The following MS4A13 variants were observed in gnomAD, a reference collection of about 807,000 sequenced individuals.
MS4A13 encodes the protein membrane spanning 4-domains A13.
MS4A13 carries 21 observed loss-of-function variants against 18.4 expected under a neutral mutation model. That is an observed-to-expected ratio of 1.14 (90% CI 0.81 to 1.64). MS4A13 has a LOEUF of 1.64. MS4A13 is among the 40% of genes most tolerant of loss of function. The probability of loss-of-function intolerance (pLI) is 0.00; values close to 1 mark genes in which losing one functional copy is unlikely to be tolerated. For synonymous variants in MS4A13, 62 were observed against 57.2 expected, an observed-to-expected ratio of 1.08 and a Z score of -0.38; for missense variants, 173 against 176.8, an observed-to-expected ratio of 0.98 and a Z score of 0.12.
At chr11:60,529,563 T>C (rs2086748803) in intron 6 of MS4A13, 103 bp downstream of exon 6, 1 of 519,152 alleles carries the variant, frequency 1.9e-6, no homozygotes, top group Non-Finnish European at 3.3e-6. Flanking sequence ...TTAGAACTAA[T>C]ATAAATGGAA....
intron 6 of MS4A13, among the ~76,000 whole-genome samples, chr11:60,532,174 A>G (rs565878968): frequency 1.3e-5 from 2 of 152,234 alleles, no homozygotes; most frequent in South Asian, 4.1e-4. Context: ...AGGAGCCAAG[A>G]TGGCCGAATA....
At chr11:60,541,127 T>C (rs1441799853) in intron 6 of MS4A13, among the ~76,000 whole-genome samples, 1 of 152,204 alleles carries the variant, frequency 6.6e-6, no homozygotes, top group Non-Finnish European at 1.5e-5. Flanking sequence ...TGCCAACTGA[T>C]AGCAAAGATT....
At chr11:60,526,603 AC>A (rs1427515541) in intron 5 of MS4A13, among the ~76,000 whole-genome samples, 1 of 152,216 alleles carries the variant, frequency 6.6e-6, no homozygotes, top group Non-Finnish European at 1.5e-5. Context: ...TGTATATTAG[AC>A]TTATATCTCA....
intron 6 of MS4A13, among the ~76,000 whole-genome samples, chr11:60,542,064 C>T (rs1195562231): frequency 6.7e-6 from 1 of 148,868 alleles, no homozygotes; most frequent in African/African-American, 2.5e-5. Flanking sequence ...GCCGAGATCG[C>T]ACCACTGCAC....
chr11:60,522,239 G>GATGTATATATATATATATATATCTATAT (rs71043705), intron 3 of MS4A13, among the ~76,000 whole-genome samples: 6 of 133,886 alleles, frequency 4.5e-5, no homozygotes, highest in South Asian at 2.6e-4. Context: ...TAGATAGATA[G>GATGTATATATATATATATATATCTATAT]ATGTATATAT....
At chr11:60,520,416 G>A (rs918006124) in intron 3 of MS4A13, among the ~76,000 whole-genome samples, 1 of 152,194 alleles carries the variant, frequency 6.6e-6, no homozygotes, top group Non-Finnish European at 1.5e-5. Flanking sequence ...CTATGAGCCT[G>A]TAAAATCAAT....
intron 5 of MS4A13, among the ~76,000 whole-genome samples, chr11:60,527,231 A>C (rs2086719250): frequency 6.6e-6 from 1 of 152,150 alleles, no homozygotes; most frequent in South Asian, 2.1e-4. Context: ...TTTATTAATT[A>C]GGGTTATCTT....
chr11:60,531,714 C>A (rs1277587199), intron 6 of MS4A13, among the ~76,000 whole-genome samples: 1 of 152,224 alleles, frequency 6.6e-6, no homozygotes, highest in Non-Finnish European at 1.5e-5. Flanking sequence ...TGAGGCATCT[C>A]TCTTTGGCTT....
intron 3 of MS4A13, among the ~76,000 whole-genome samples, chr11:60,522,235 G>T (rs61900772): frequency 0.65 from 72,367 of 111,230 alleles, 19,892 homozygotes; most frequent in Non-Finnish European, 0.71. Flanking sequence ...TAGATAGATA[G>T]ATAGATGTAT....
At chr11:60,540,486 T>C (rs1253524796) in intron 6 of MS4A13, among the ~76,000 whole-genome samples, 1 of 152,186 alleles carries the variant, frequency 6.6e-6, no homozygotes, top group Non-Finnish European at 1.5e-5. Context: ...ATGAGTTATA[T>C]GGGAATAAAG....
intron 6 of MS4A13, among the ~76,000 whole-genome samples, chr11:60,539,528 T>C (rs1279992466): frequency 6.6e-6 from 1 of 151,928 alleles, no homozygotes; most frequent in East Asian, 1.9e-4. Flanking sequence ...CCCATAAAAA[T>C]GGGGAGTACC....
At chr11:60,529,702 G>A (rs926537135) in intron 6 of MS4A13, among the ~76,000 whole-genome samples, 11 of 151,968 alleles carry the variant, frequency 7.2e-5, no homozygotes, top group African/African-American at 2.7e-4. Context: ...CTTTAATATA[G>A]TTCTCATCGT....
intron 6 of MS4A13, among the ~76,000 whole-genome samples, chr11:60,533,459 G>A (rs1339100551): frequency 3.9e-5 from 4 of 102,440 alleles, no homozygotes; most frequent in African/African-American, 7.7e-5. Context: ...AAGCGAGAAG[G>A]GAAGTTTAGA....
chr11:60,529,231 G>A, intron 5 of MS4A13, 134 bp from the exon 6 acceptor site: 1 of 481,194 alleles, frequency 2.1e-6, no homozygotes, highest in Non-Finnish European at 3.6e-6. Flanking sequence ...ATGGTGAAAG[G>A]TTTATCTGTT....
At chr11:60,529,790 A>G (rs754419644) in intron 6 of MS4A13, among the ~76,000 whole-genome samples, 4 of 152,224 alleles carry the variant, frequency 2.6e-5, no homozygotes, top group African/African-American at 4.8e-5. Context: ...TTATATTCAC[A>G]TTATTTTGTC....
At chr11:60,524,852 G>C (rs1438688044) in intron 4 of MS4A13, among the ~76,000 whole-genome samples, 1 of 151,844 alleles carries the variant, frequency 6.6e-6, no homozygotes, top group South Asian at 2.1e-4. Flanking sequence ...ACTAGAGATG[G>C]GGTTTCACCG....
At chr11:60,530,474 C>A (rs1295526624) in intron 6 of MS4A13, among the ~76,000 whole-genome samples, 1 of 152,186 alleles carries the variant, frequency 6.6e-6, no homozygotes, top group African/African-American at 2.4e-5. Flanking sequence ...GAATGAGTTG[C>A]ATTTCCAGAA....
rs116188040 is a variant in MS4A13 at position 60,520,191 on chromosome 11, T to C, written c.129+1979T>C. Among the ~76,000 whole-genome samples the C allele has an allele frequency of 8.5e-3, 1,296 of 152,210 alleles. 19 individuals carry two copies. Among genetic ancestry groups the C allele is most frequent in the African/African-American group, 0.03 (1,237 of 41,534 alleles). Reference sequence around the variant, plus strand: ...CTGGGGGGGTGGCGAGTCATTCCCATGCTGTTCTCATGATAGTGAATAAGT... The same window carrying C: ...CTGGGGGGGTGGCGAGTCATTCCCACGCTGTTCTCATGATAGTGAATAAGT... On this transcript the variant is annotated intron_variant, in intron 3 of 6. Coordinates refer to ENST00000378186, the MANE Select transcript of MS4A13 (RefSeq NM_001012417.3).
intron 2 of MS4A13, among the ~76,000 whole-genome samples, chr11:60,516,446 A>C (rs2086638106): frequency 6.6e-6 from 1 of 152,234 alleles, no homozygotes; most frequent in East Asian, 1.9e-4. Flanking sequence ...AACACCAAGG[A>C]ATTATGAGTA....
Sources: gnomAD v4.1 joint callset for allele counts (sites outside exome capture counted in the v4.1 genomes callset) on GRCh38, gnomAD v4.1.1 for gene constraint, MANE v1.5 for transcripts, NCBI Gene and HGNC (gene_info 2026-07-23, HGNC 2026-07-21) for gene names.